SETX: variants seen among roughly 807,000 people sequenced by gnomAD.
SETX encodes senataxin, also known as helicase senataxin.
A neutral mutation model predicts 227.2 loss-of-function variants in SETX; 90 were observed. The observed-to-expected ratio is 0.40, with a 90% confidence interval of 0.33 to 0.47. The LOEUF (loss-of-function observed/expected upper bound fraction) is 0.47, where lower values mean the gene tolerates loss of function less well. SETX is among the 20% of genes least tolerant of loss of function. SETX has a pLI of 0.91. For synonymous variants in SETX, 1,210 were observed against 1,113.2 expected (o/e 1.09, Z -1.73); for missense variants, 3,052 against 3,181.5 (o/e 0.96, Z 0.98).
intron 2 of SETX, among the ~76,000 whole-genome samples, chr9:132,350,276 G>A (rs370218424): frequency 1.3e-5 from 2 of 152,106 alleles, no homozygotes; most frequent in South Asian, 2.1e-4. Context: ...CCTGAACGTG[G>A]GAGGCAGAGG....
At chr9:132,291,657 T>G (rs1844314914) in intron 15 of SETX, among the ~76,000 whole-genome samples, 1 of 152,042 alleles carries the variant, frequency 6.6e-6, no homozygotes, top group Non-Finnish European at 1.5e-5. Flanking sequence ...AAAACCAGAT[T>G]TGAAAGCCCC....
In SETX at chr9:132,346,252, G is replaced by T. The variant is rs1388074461; in HGVS notation, c.388+9C>A. 1 of 1,597,422 alleles carries T rather than the reference G, an allele frequency of 6.3e-7. No homozygotes were observed. The highest frequency in any genetic ancestry group is 1.7e-5 in the Admixed American group (1 of 60,006). Reference sequence around the variant, plus strand: ...CTGATATAACTTGAGGAACCATCAAGATACTCACTAACACGTTCATGTAGA... The same window carrying T: ...CTGATATAACTTGAGGAACCATCAATATACTCACTAACACGTTCATGTAGA... On this transcript the variant is annotated intron_variant, in intron 4 of 25. Coordinates refer to ENST00000224140, the MANE Select transcript of SETX (RefSeq NM_015046.7).
intron 10 of SETX, among the ~76,000 whole-genome samples, chr9:132,316,487 T>A (rs1275084318): frequency 7.2e-5 from 11 of 152,198 alleles, no homozygotes; most frequent in Non-Finnish European, 1.5e-5. Context: ...TTAATGTGGC[T>A]AATGCTTTTT....
chr9:132,338,253 G>A (rs1358537530), intron 5 of SETX, among the ~76,000 whole-genome samples: 2 of 151,878 alleles, frequency 1.3e-5, no homozygotes, highest in African/African-American at 2.4e-5. Context: ...CACCACGCCC[G>A]GCTAACTTTT....
At chr9:132,323,073 A>G (rs1334866878) in intron 10 of SETX, among the ~76,000 whole-genome samples, 2 of 152,188 alleles carry the variant, frequency 1.3e-5, no homozygotes, top group African/African-American at 4.8e-5. Context: ...CAAGATTTCA[A>G]AAATGTACCT....
intron 11 of SETX, among the ~76,000 whole-genome samples, chr9:132,309,478 G>A (rs1055592551): frequency 2.4e-4 from 36 of 152,072 alleles, no homozygotes; most frequent in African/African-American, 8.7e-4. Flanking sequence ...CCTCTGTAAA[G>A]GGCCAGATAG....
Position 132,322,406 on chromosome 9 carries a change from T to C in SETX, c.5274+3918A>G, listed in dbSNP as rs559004244. Among the ~76,000 whole-genome samples, 66 of 152,180 alleles carry C rather than the reference T, an allele frequency of 4.3e-4. 1 individual carries two copies. The highest frequency in any genetic ancestry group is 7.6e-4 in the Non-Finnish European group (52 of 68,036). On this transcript the variant is annotated intron_variant, in intron 10 of 25. Coordinates refer to ENST00000224140, the MANE Select transcript of SETX (RefSeq NM_015046.7). ...CCAATTCCCCCCTCCTTCCTTCCCCTGACTACTACTCATCTTTCTGTCTCT... is the reference window on the plus strand; with the variant it reads ...CCAATTCCCCCCTCCTTCCTTCCCCCGACTACTACTCATCTTTCTGTCTCT...
intron 10 of SETX, among the ~76,000 whole-genome samples, chr9:132,325,247 T>C (rs1846649853): frequency 6.6e-6 from 1 of 152,040 alleles, no homozygotes; most frequent in African/African-American, 2.4e-5. Flanking sequence ...TCTCAGCTAC[T>C]CGGGAGGCTG....
intron 3 of SETX, among the ~76,000 whole-genome samples, chr9:132,348,563 C>T (rs985195407): frequency 2.6e-5 from 4 of 152,074 alleles, no homozygotes; most frequent in Non-Finnish European, 4.4e-5. Flanking sequence ...GGTTTCAATT[C>T]CATCCGTGAT....
At chr9:132,308,297 A>G (rs538747423) in intron 11 of SETX, among the ~76,000 whole-genome samples, 1 of 152,342 alleles carries the variant, frequency 6.6e-6, no homozygotes, top group South Asian at 2.1e-4. Context: ...AATTGGATCA[A>G]TCCTCTAGTT....
At chr9:132,289,534 G>C (rs997551762) in intron 15 of SETX, among the ~76,000 whole-genome samples, 1 of 151,950 alleles carries the variant, frequency 6.6e-6, no homozygotes, top group Non-Finnish European at 1.5e-5. Flanking sequence ...ACTGCACTTC[G>C]GGTACCCTAC....
rs767874462 is a variant in SETX, at chr9:132,269,512, T to C, written c.7287+103A>G. 1.0e-5 allele frequency: 16 copies of C among 1,603,492 alleles called. No homozygotes were observed. The Admixed American group carries it at 2.5e-4, about 25-fold the overall frequency. The stretch of plus-strand genomic sequence containing the variant: ...TTGCTGGAAAACATAACAACCATTA[T>C]TTTGTAATCCAGAAATCATTTACAC... On this transcript the variant is annotated intron_variant, in intron 25 of 25. Transcript: ENST00000224140.
At chr9:132,315,600 T>A (rs139641893) in intron 10 of SETX, among the ~76,000 whole-genome samples, 1 of 152,118 alleles carries the variant, frequency 6.6e-6, no homozygotes, top group African/African-American at 2.4e-5. Context: ...TAGTGCCCCC[T>A]TTTTCCTGCT....
At chr9:132,334,792 T>A (rs565735333) in intron 6 of SETX, 65 bp from the exon 7 acceptor site, 6 of 1,565,564 alleles carry the variant, frequency 3.8e-6, no homozygotes, top group Middle Eastern at 1.7e-4. Flanking sequence ...CTGGTTTAGT[T>A]TGCAAAAGAA....
At chr9:132,301,732 G>C (rs1845009469) in intron 11 of SETX, among the ~76,000 whole-genome samples, 2 of 152,160 alleles carry the variant, frequency 1.3e-5, no homozygotes, top group Non-Finnish European at 2.9e-5. Context: ...GAAATCGCCT[G>C]ACACATTTCT....
At chr9:132,279,929 A>G (rs1161654527) in intron 20 of SETX, among the ~76,000 whole-genome samples, 1 of 152,224 alleles carries the variant, frequency 6.6e-6, no homozygotes, top group East Asian at 1.9e-4. Context: ...ACCCACGTAC[A>G]TATACACATA....
intron 17 of SETX, among the ~76,000 whole-genome samples, chr9:132,286,696 C>G (rs1291328952): frequency 2.6e-5 from 4 of 152,276 alleles, no homozygotes; most frequent in African/African-American, 9.6e-5. Flanking sequence ...GTGCGCTGCA[C>G]GTGAGCTGTC....
intron 25 of SETX, 73 bp from the exon 26 acceptor site, chr9:132,265,058 T>C (rs1476351478): frequency 1.9e-6 from 3 of 1,547,970 alleles, no homozygotes; most frequent in Non-Finnish European, 2.7e-6. Flanking sequence ...AGTTCCAGCT[T>C]TCATTTCTGA....
Position 132,264,094 on chromosome 9 carries a change from G to T in SETX, c.*145C>A. 3.6e-6 allele frequency: 4 copies of T among 1,106,836 alleles called. No individual in the cohort carries two copies. Among genetic ancestry groups the T allele is most frequent in the Non-Finnish European group, 5.3e-6 (4 of 749,302 alleles). 68.6% of individuals were successfully genotyped at this position (1,106,836 alleles called of 1,614,324 possible). A position where few individuals can be genotyped will look rare whatever the true frequency, so the allele number is the denominator to read the frequency against. On this transcript the variant is annotated 3_prime_UTR_variant, in exon 26 of 26. Transcript: ENST00000224140. Reference sequence around the variant, plus strand: ...CAGAAAATACTGAAGATGACCAGAGGCTCAGGTGTTAAGGATGCATTTTCC... The same window carrying T: ...CAGAAAATACTGAAGATGACCAGAGTCTCAGGTGTTAAGGATGCATTTTCC...
Sources: allele counts gnomAD v4.1 joint callset (sites outside exome capture counted in the v4.1 genomes callset), GRCh38; gene constraint gnomAD v4.1.1; transcripts MANE v1.5; gene names NCBI Gene and HGNC (gene_info 2026-07-23, HGNC 2026-07-21).